ARV1: variants seen among roughly 807,000 people sequenced by gnomAD.
ARV1 encodes protein ARV1.
Under a neutral mutation model 31.1 loss-of-function variants are expected in ARV1, and 26 were observed. The ratio of observed to expected loss-of-function variants is 0.84; its 90% CI spans 0.61 to 1.16. ARV1 has a LOEUF of 1.16. Among genes scored for constraint, ARV1 ranks in the 50% most tolerant of loss-of-function variants. The pLI is 0.00. For missense variants in ARV1, 281 were observed against 324.9 expected (o/e 0.86, Z 1.04); for synonymous variants, 117 against 123.2 (o/e 0.95, Z 0.34).
Position 230,996,438 on chromosome 1 carries a change from A to G in ARV1, c.673+454A>G. On this transcript the variant is annotated intron_variant, in intron 4 of 5. Coordinates refer to ENST00000310256, the MANE Select transcript of ARV1 (RefSeq NM_022786.3). ...CATATATTTTACATAGTGCTATTTT[A>G]TTTATTTTTATTTTATTTATTTTTT... Among the ~76,000 whole-genome samples, 2 of 152,012 alleles carry G rather than the reference A, an allele frequency of 1.3e-5. 1 individual carries two copies. The highest frequency in any genetic ancestry group is 4.2e-4 in the South Asian group (2 of 4,812).
intron 3 of ARV1, among the ~76,000 whole-genome samples, chr1:230,995,436 C>A (rs536260569): frequency 6.6e-6 from 1 of 152,140 alleles, no homozygotes; most frequent in Non-Finnish European, 1.5e-5. Context: ...ATCTCTTACA[C>A]TGAAGATGTT....
Position 230,996,695 on chromosome 1 carries a change from C to T in ARV1, c.674-426C>T, listed in dbSNP as rs1163067011. ...GAGCAGTCTGTCCACCTTGGCATCC[C>T]AAAGTGCTGGGAACAAGCATGAGCC... On this transcript the variant is annotated intron_variant, in intron 4 of 5. Transcript: ENST00000310256. 8.5e-5 allele frequency among the ~76,000 whole-genome samples: 13 copies of T among 152,198 alleles called. No individual in the cohort carries two copies. In the East Asian group the frequency reaches 2.5e-3, roughly 29 times the overall value.
At chr1:230,983,412 C>CA (rs386369944) in intron 1 of ARV1, among the ~76,000 whole-genome samples, 11,419 of 106,328 alleles carry the variant, frequency 0.11, 739 homozygotes, top group African/African-American at 0.18. Context: ...GACTCCGTCT[C>CA]AAAAAAAAAA....
chr1:230,984,369 T>TGTGCGTGC (rs1553303978), intron 1 of ARV1, among the ~76,000 whole-genome samples: 3 of 88,528 alleles, frequency 3.4e-5, no homozygotes, highest in African/African-American at 1.2e-4. Flanking sequence ...TGTGCGTGTG[T>TGTGCGTGC]GTGTGTGTGT....
chr1:230,995,036 C>T (rs1302216586), intron 3 of ARV1, among the ~76,000 whole-genome samples: 4 of 152,188 alleles, frequency 2.6e-5, no homozygotes, highest in Non-Finnish European at 5.9e-5. Context: ...GGACTGGCCA[C>T]TCAGAATGGA....
intron 5 of ARV1, among the ~76,000 whole-genome samples, 198 bp downstream of exon 5, chr1:230,997,465 T>G (rs2103057637): frequency 6.6e-6 from 1 of 152,308 alleles, no homozygotes; most frequent in South Asian, 2.1e-4. Context: ...TGTCACCCTC[T>G]GGGACATCAA....
At chr1:230,984,499 G>A (rs1679006604) in intron 1 of ARV1, among the ~76,000 whole-genome samples, 1 of 151,722 alleles carries the variant, frequency 6.6e-6, no homozygotes, top group Non-Finnish European at 1.5e-5. Context: ...CAAGGAAAGT[G>A]AGGTGTAAAC....
intron 1 of ARV1, among the ~76,000 whole-genome samples, chr1:230,981,050 A>G (rs145611305): frequency 6.6e-6 from 1 of 152,160 alleles, no homozygotes; most frequent in African/African-American, 2.4e-5. Flanking sequence ...CCTCCTTGAA[A>G]TGCTGTGTGC....
intron 5 of ARV1, chr1:230,999,530 C>G (rs1679465981): frequency 6.6e-6 from 1 of 152,254 alleles, no homozygotes; most frequent in Admixed American, 6.5e-5. Context: ...GTAATGTCAT[C>G]ATCCTAATTC....
intron 5 of ARV1, among the ~76,000 whole-genome samples, chr1:230,997,790 TA>T (rs1321475650): frequency 6.6e-6 from 1 of 152,170 alleles, no homozygotes; most frequent in African/African-American, 2.4e-5. Flanking sequence ...CGTGCTTTGC[TA>T]AGGCTGTTTG....
At chr1:230,982,919 G>A (rs145533505) in intron 1 of ARV1, among the ~76,000 whole-genome samples, 13 of 152,182 alleles carry the variant, frequency 8.5e-5, no homozygotes, top group African/African-American at 3.1e-4. Context: ...CTTGGAGTCA[G>A]CAAGATCCTC....
intron 1 of ARV1, among the ~76,000 whole-genome samples, chr1:230,981,815 G>A (rs1427078710): frequency 3.9e-5 from 6 of 151,950 alleles, no homozygotes; most frequent in Non-Finnish European, 8.8e-5. Context: ...TTATTTTACC[G>A]GCAGTCCCGC....
At chr1:230,986,423 T>C (rs1023295036) in intron 1 of ARV1, among the ~76,000 whole-genome samples, 2 of 152,176 alleles carry the variant, frequency 1.3e-5, no homozygotes, top group African/African-American at 4.8e-5. Context: ...TCCAGCACTT[T>C]AATGTAATTA....
At chr1:230,988,175 G>A (rs146087993) in intron 1 of ARV1, 145 bp from the exon 2 acceptor site, 6 of 611,610 alleles carry the variant, frequency 9.8e-6, no homozygotes, top group East Asian at 3.1e-5. Context: ...TGAACATTTT[G>A]TATCTGAATG....
chr1:230,990,643 C>A, intron 3 of ARV1: 1 of 357,964 alleles, frequency 2.8e-6, no homozygotes, highest in Non-Finnish European at 5.7e-6. Context: ...CAGCCCTGAA[C>A]TCCTGGGCTC....
At chr1:230,997,327 T>C (rs977529729) in intron 5 of ARV1, 60 bp downstream of exon 5, 22 of 1,567,918 alleles carry the variant, frequency 1.4e-5, no homozygotes, top group Non-Finnish European at 1.8e-5. Flanking sequence ...ATAAGACAGA[T>C]GTCATTGTAA....
At chr1:230,985,606 A>G (rs1010096889) in intron 1 of ARV1, among the ~76,000 whole-genome samples, 4 of 152,212 alleles carry the variant, frequency 2.6e-5, no homozygotes, top group African/African-American at 9.6e-5. Flanking sequence ...AGTATTGTCC[A>G]GATCCCCAGC....
Position 230,998,327 on chromosome 1 carries a change from T to A in ARV1, c.*4+1060T>A, listed in dbSNP as rs2103058442. On this transcript the variant is annotated intron_variant, in intron 5 of 5. Transcript: ENST00000310256. ...CTCCCTCCTCGCTGTTACATCCTCC[T>A]TGCAAGTAGCGGCTGTAAAGCTTCT... Among the ~76,000 whole-genome samples, 3 of 152,308 alleles carry A rather than the reference T, an allele frequency of 2.0e-5. No individual in the cohort carries two copies. The Middle Eastern group carries it at 0.01, about 518-fold the overall frequency.
In ARV1 at chr1:230,995,885, T is replaced by C; in HGVS notation, c.574T>C (p.Leu192=). ...ATTATTATCTAGCTACGGAAAACTC[T>C]TGCTGATTCCAGCTGTCATTTGGGA... ...ALLLSSYGKL[L]LIPAVIWEHD... The change falls in exon 4 of 6, where the codon TTG becomes CTG. Residue 192 remains leucine, a synonymous_variant. Coordinates refer to ENST00000310256, the MANE Select transcript of ARV1 (RefSeq NM_022786.3). The C allele has an allele frequency of 6.2e-7, 1 of 1,614,184 alleles. No individual in the cohort carries two copies. Among genetic ancestry groups the C allele is most frequent in the South Asian group, 1.1e-5 (1 of 91,084 alleles).
Sources: allele counts gnomAD v4.1 joint callset (sites outside exome capture counted in the v4.1 genomes callset), GRCh38; gene constraint gnomAD v4.1.1; transcripts MANE v1.5; gene names NCBI Gene and HGNC (gene_info 2026-07-23, HGNC 2026-07-21).